The following SOD2 variants were observed in gnomAD, a reference collection of about 807,000 sequenced individuals.
The protein encoded by SOD2 is superoxide dismutase [Mn], mitochondrial.
A neutral mutation model predicts 27.0 loss-of-function variants in SOD2; 11 were observed. That is an observed-to-expected ratio of 0.41 (90% CI 0.26 to 0.67). The LOEUF is 0.67. Among genes scored for constraint, SOD2 ranks in the 30% least tolerant of loss-of-function variants. SOD2 has a pLI of 0.34. For synonymous variants in SOD2, 105 were observed against 103.0 expected, an observed-to-expected ratio of 1.02 and a Z score of -0.12; for missense variants, 250 against 274.5, an observed-to-expected ratio of 0.91 and a Z score of 0.63.
chr6:159,739,665 C>T (rs953835181), intron 1 of SOD2, among the ~76,000 whole-genome samples: 1 of 151,932 alleles, frequency 6.6e-6, no homozygotes, highest in Non-Finnish European at 1.5e-5. Flanking sequence ...TTCTTGATAA[C>T]TTAGATAAAA....
chr6:159,757,864 A>C (rs1780047189), intron 1 of SOD2, among the ~76,000 whole-genome samples: 1 of 152,236 alleles, frequency 6.6e-6, no homozygotes, highest in Admixed American at 6.5e-5. Flanking sequence ...TTAAACAAAA[A>C]TGTAATTTCT....
chr6:159,744,121 T>C (rs546281463), intron 1 of SOD2, among the ~76,000 whole-genome samples: 1 of 152,366 alleles, frequency 6.6e-6, no homozygotes, highest in Non-Finnish European at 1.5e-5. Flanking sequence ...TTGCTTTACT[T>C]TCACTGATTA....
At chr6:159,712,953 C>G (rs1777857594) in intron 1 of SOD2, 1 of 608,300 alleles carries the variant, frequency 1.6e-6, no homozygotes, top group African/African-American at 1.9e-5. Flanking sequence ...TGCATATTAG[C>G]TTTGTCTTTT....
upstream of SOD2, among the ~76,000 whole-genome samples, chr6:159,747,002 G>C (rs943351698): frequency 1.3e-5 from 2 of 152,152 alleles, no homozygotes; most frequent in Admixed American, 6.5e-5. Flanking sequence ...TATCTTAGCA[G>C]CTGGCTTCAC....
intron 1 of SOD2, among the ~76,000 whole-genome samples, chr6:159,758,258 A>G (rs568174518): frequency 1.3e-5 from 2 of 151,230 alleles, no homozygotes; most frequent in Non-Finnish European, 3.0e-5. Context: ...CTGCTGTGAA[A>G]AAAAAAAAAA....
intron 1 of SOD2, chr6:159,713,223 T>C (rs760967645): frequency 2.4e-6 from 2 of 830,536 alleles, no homozygotes; most frequent in South Asian, 1.7e-5. Context: ...TTTCCAAATC[T>C]ATCAGACCTA....
chr6:159,678,838 C>T lies in SOD2; in HGVS notation c.*3655G>A, dbSNP rs973740560. The T allele has an allele frequency of 6.6e-6, 1 of 152,344 alleles. No homozygotes were observed. The highest frequency in any genetic ancestry group is 6.5e-5 in the Admixed American group (1 of 15,302). The allele number at this position is 152,344 out of a possible 1,614,324, so 9.4% of individuals were successfully genotyped here. ...ACAGTGTCAGAATTGAATTATAGGA[C>T]ATCCAGCTGGTGTCCACTGGACAAC... On this transcript the variant is annotated 3_prime_UTR_variant, in exon 5 of 5. Transcript: ENST00000538183.
At chr6:159,686,975 C>G (rs1780218021) in intron 3 of SOD2, among the ~76,000 whole-genome samples, 1 of 152,226 alleles carries the variant, frequency 6.6e-6, no homozygotes, top group Non-Finnish European at 1.5e-5. Flanking sequence ...TAGCCCTGTA[C>G]TCTCCTCATT....
At chr6:159,687,048 A>C (rs1427651661) in intron 3 of SOD2, among the ~76,000 whole-genome samples, 1 of 152,226 alleles carries the variant, frequency 6.6e-6, no homozygotes, top group Non-Finnish European at 1.5e-5. Context: ...ACTTTTTATC[A>C]GTTAGGAAAG....
upstream of SOD2, among the ~76,000 whole-genome samples, chr6:159,694,027 C>T (rs957528328): frequency 9.2e-5 from 14 of 152,266 alleles, no homozygotes; most frequent in South Asian, 2.7e-3. Flanking sequence ...ATAGTGAAAT[C>T]CTTTGAGGTT....
intron 1 of SOD2, among the ~76,000 whole-genome samples, chr6:159,709,444 A>C (rs1489354847): frequency 1.3e-5 from 2 of 152,194 alleles, no homozygotes; most frequent in Non-Finnish European, 2.9e-5. Context: ...ACCCCATCAA[A>C]AAGTGGGCAA....
chr6:159,762,260 C>T (rs1203274173), exon 1 of SOD2: 2 of 1,339,310 alleles, frequency 1.5e-6, no homozygotes, highest in Non-Finnish European at 2.0e-6. Flanking sequence ...CAGGCCAAGC[C>T]GCGAGGAGCC....
intron 1 of SOD2, among the ~76,000 whole-genome samples, chr6:159,740,714 T>G (rs1239996130): frequency 2.6e-5 from 4 of 151,414 alleles, no homozygotes; most frequent in African/African-American, 9.7e-5. Flanking sequence ...CTTTCTTTTT[T>G]TTTTTTTTAA....
At chr6:159,704,822 A>G (rs2758354) in intron 1 of SOD2, among the ~76,000 whole-genome samples, 116,068 of 152,154 alleles carry the variant, frequency 0.76, 44,683 homozygotes, top group South Asian at 0.85. Flanking sequence ...CAGACAGACC[A>G]CGTCCTCGAG....
At chr6:159,756,136 T>C (rs969191113) in intron 1 of SOD2, 1 of 153,156 alleles carries the variant, frequency 6.5e-6, no homozygotes, top group Non-Finnish European at 1.5e-5. Flanking sequence ...CAGTGTTAGA[T>C]ACAGTTTTTT....
intron 1 of SOD2, among the ~76,000 whole-genome samples, chr6:159,707,395 G>A (rs1353930068): frequency 6.6e-6 from 1 of 152,096 alleles, no homozygotes; most frequent in South Asian, 2.1e-4. Flanking sequence ...AGAAAAGAGA[G>A]AAGAATCAAA....
intron 1 of SOD2, among the ~76,000 whole-genome samples, chr6:159,708,021 A>C (rs922622770): frequency 1.4e-4 from 21 of 152,370 alleles, no homozygotes; most frequent in African/African-American, 4.6e-4. Context: ...CAAAAACCAC[A>C]TGATTATCTC....
intron 1 of SOD2, among the ~76,000 whole-genome samples, chr6:159,734,135 A>C (rs1460033129): frequency 1.3e-5 from 2 of 152,168 alleles, no homozygotes; most frequent in Admixed American, 6.5e-5. Flanking sequence ...AGGAATCTCA[A>C]AATCAAGTGG....
rs1185589706 is a variant in SOD2, at chr6:159,673,227, T to C, written c.*9266A>G. 6.6e-6 allele frequency: 1 copy of C among 152,022 alleles called. No individual in the cohort carries two copies. The highest frequency in any genetic ancestry group is 6.6e-5 in the Admixed American group (1 of 15,252). 9.4% of individuals were successfully genotyped at this position (152,022 alleles called of 1,614,324 possible). ...TTAACAAGGATATCCAGGAATTGAATTCAGCTCTGCACCAAGCAGACCTAA... is the reference window on the plus strand; with the variant it reads ...TTAACAAGGATATCCAGGAATTGAACTCAGCTCTGCACCAAGCAGACCTAA... On this transcript the variant is annotated 3_prime_UTR_variant, in exon 5 of 5. Coordinates refer to ENST00000538183, the MANE Select transcript of SOD2 (RefSeq NM_000636.4).
Sources: gnomAD v4.1 joint callset for allele counts (sites outside exome capture counted in the v4.1 genomes callset) on GRCh38, gnomAD v4.1.1 for gene constraint, MANE v1.5 for transcripts, NCBI Gene and HGNC (gene_info 2026-07-23, HGNC 2026-07-21) for gene names.